CBFA2T2: variants seen among roughly 807,000 people sequenced by gnomAD.
CBFA2T2 encodes the protein CBFA2/RUNX1 partner transcriptional co-repressor 2, also known as protein CBFA2T2.
Under a neutral mutation model 62.2 loss-of-function variants are expected in CBFA2T2, and 11 were observed. That is an observed-to-expected ratio of 0.18 (90% confidence interval 0.11 to 0.29). CBFA2T2 has a LOEUF of 0.29. CBFA2T2 is among the 10% of genes least tolerant of loss of function. The pLI is 1.00. For missense variants in CBFA2T2, 592 were observed against 774.1 expected (o/e 0.76, Z 2.79); for synonymous variants, 295 against 287.5 (o/e 1.03, Z -0.27).
chr20:33,494,281 T>A (rs1419189994), intron 1 of CBFA2T2, among the ~76,000 whole-genome samples: 3 of 59,308 alleles, frequency 5.1e-5, no homozygotes, highest in Admixed American at 2.2e-4. Flanking sequence ...ATATTTTTTT[T>A]TTTTTTTTTT....
chr20:33,623,559 ATGT>A (rs890553293), intron 5 of CBFA2T2, among the ~76,000 whole-genome samples: 11 of 148,768 alleles, frequency 7.4e-5, no homozygotes, highest in Non-Finnish European at 1.0e-4. Flanking sequence ...TGACCAGCTA[ATGT>A]TTGTTTGTTT....
At chr20:33,587,501 C>T (rs1406875079) in intron 1 of CBFA2T2, among the ~76,000 whole-genome samples, 4 of 149,998 alleles carry the variant, frequency 2.7e-5, no homozygotes, top group Non-Finnish European at 5.9e-5. Flanking sequence ...CTTCTGACCT[C>T]GTGATCCGCC....
intron 1 of CBFA2T2, among the ~76,000 whole-genome samples, chr20:33,561,040 G>A (rs2013070460): frequency 6.6e-6 from 1 of 152,124 alleles, no homozygotes; most frequent in African/African-American, 2.4e-5. Flanking sequence ...AACACGCCCA[G>A]CTAATTTTTG....
Position 33,623,857 on chromosome 20 carries a change from A to G in CBFA2T2, c.692+561A>G, listed in dbSNP as rs181841189. On this transcript the variant is annotated intron_variant, in intron 5 of 10. Coordinates refer to ENST00000342704, the MANE Select transcript of CBFA2T2 (RefSeq NM_001032999.3). ...CTCTTCAGATGCCTGCACACCCGGT[A>G]AGAAACTCTACTCTAGAGAATTTAT... The G allele has an allele frequency of 4.5e-4, 321 of 717,858 alleles. 2 individuals are homozygous for G. In the East Asian group the frequency reaches 8.5e-3, roughly 19 times the overall value. The allele number at this position is 717,858 out of a possible 1,614,324, so 44.5% of individuals were successfully genotyped here. A position where few individuals can be genotyped will look rare whatever the true frequency, so the allele number is the denominator to read the frequency against.
rs138421247 is a variant in CBFA2T2 at position 33,550,572 on chromosome 20, G to A, written c.35-56384G>A. On this transcript the variant is annotated intron_variant, in intron 1 of 10. Coordinates refer to ENST00000342704, the MANE Select transcript of CBFA2T2 (RefSeq NM_001032999.3). Reference sequence around the variant, plus strand: ...CAGAGAACAGTAATGGGTACATTTGGTCAACAAATAACTCAAAGTCTGAAG... The same window carrying A: ...CAGAGAACAGTAATGGGTACATTTGATCAACAAATAACTCAAAGTCTGAAG... Among the ~76,000 whole-genome samples the A allele has an allele frequency of 7.2e-3, 1,093 of 152,182 alleles. 17 individuals carry two copies. The highest frequency in any genetic ancestry group is 0.025 in the African/African-American group (1,058 of 41,492).
At chr20:33,549,261 A>G (rs903707886) in intron 1 of CBFA2T2, among the ~76,000 whole-genome samples, 2 of 147,056 alleles carry the variant, frequency 1.4e-5, no homozygotes, top group African/African-American at 5.0e-5. Context: ...AAAGCAGATA[A>G]AACTGGACAA....
chr20:33,500,447 G>A (rs967636026), intron 1 of CBFA2T2, among the ~76,000 whole-genome samples: 14 of 151,874 alleles, frequency 9.2e-5, no homozygotes, highest in African/African-American at 3.1e-4. Flanking sequence ...GGTGGCTCAC[G>A]TCTGTAATTC....
At chr20:33,515,138 CA>C (rs1367116898) in intron 1 of CBFA2T2, among the ~76,000 whole-genome samples, 5 of 151,702 alleles carry the variant, frequency 3.3e-5, no homozygotes, top group African/African-American at 1.2e-4. Flanking sequence ...CACCTGAGGT[CA>C]GGAGTTTGAG....
chr20:33,617,235 GA>G (rs535518006), intron 3 of CBFA2T2, among the ~76,000 whole-genome samples: 11 of 149,032 alleles, frequency 7.4e-5, no homozygotes, highest in South Asian at 4.2e-4. Flanking sequence ...CCCTATCTCT[GA>G]AAAAAAAAAA....
chr20:33,584,449 G>T (rs567712738), intron 1 of CBFA2T2, among the ~76,000 whole-genome samples: 58 of 151,300 alleles, frequency 3.8e-4, no homozygotes, highest in Non-Finnish European at 1.2e-4. Flanking sequence ...TAGAGACGGG[G>T]TTTCACCATG....
At chr20:33,497,880 T>C (rs1365789682) in intron 1 of CBFA2T2, among the ~76,000 whole-genome samples, 1 of 151,852 alleles carries the variant, frequency 6.6e-6, no homozygotes, top group Non-Finnish European at 1.5e-5. Flanking sequence ...ACAGGATGTT[T>C]CTATGTTTCC....
intron 1 of CBFA2T2, among the ~76,000 whole-genome samples, chr20:33,521,823 CGTGTGTGT>C (rs111558647): frequency 2.0e-5 from 3 of 148,466 alleles, no homozygotes; most frequent in Admixed American, 6.8e-5. Context: ...ATTTGAGCTG[CGTGTGTGT>C]GTGTGTGTGT....
intron 3 of CBFA2T2, 74 bp from the exon 4 acceptor site, chr20:33,619,443 A>AT: frequency 1.3e-6 from 1 of 746,354 alleles, no homozygotes; most frequent in East Asian, 3.1e-5. Flanking sequence ...AAAAAAAAAA[A>AT]AAAAGAAGAG....
intron 1 of CBFA2T2, among the ~76,000 whole-genome samples, chr20:33,582,946 A>G (rs1201076956): frequency 6.6e-6 from 1 of 152,188 alleles, no homozygotes; most frequent in Non-Finnish European, 1.5e-5. Context: ...TCTAAAAAAA[A>G]AAAAAGAGGA....
intron 1 of CBFA2T2, among the ~76,000 whole-genome samples, chr20:33,599,333 T>C (rs1444591426): frequency 2.6e-5 from 4 of 152,190 alleles, no homozygotes; most frequent in Non-Finnish European, 5.9e-5. Context: ...GCCAAGCCCA[T>C]TTATTTGTAT....
chr20:33,611,392 G>C (rs1269655082), intron 3 of CBFA2T2, 57 bp downstream of exon 3: 1 of 1,595,054 alleles, frequency 6.3e-7, no homozygotes, highest in Non-Finnish European at 8.6e-7. Context: ...CAGGTCCAAA[G>C]CGAGCAAAGT....
At chr20:33,555,679 T>G (rs1026794577) in intron 1 of CBFA2T2, among the ~76,000 whole-genome samples, 1 of 152,192 alleles carries the variant, frequency 6.6e-6, no homozygotes, top group East Asian at 1.9e-4. Context: ...AGTACAATTA[T>G]CAAAATCAGA....
intron 1 of CBFA2T2, among the ~76,000 whole-genome samples, chr20:33,515,789 G>A (rs1330238611): frequency 7.9e-6 from 1 of 125,804 alleles, no homozygotes; most frequent in Non-Finnish European, 1.6e-5. Context: ...CCACAAGAGG[G>A]AGACTCCATC....
At chr20:33,611,005 G>A (rs2015503029) in intron 2 of CBFA2T2, 89 bp from the exon 3 acceptor site, 4 of 1,537,612 alleles carry the variant, frequency 2.6e-6, no homozygotes, top group Non-Finnish European at 3.6e-6. Context: ...AAATTCAAAT[G>A]AACAAACGAA....
Sources: gnomAD v4.1 joint callset for allele counts (sites outside exome capture counted in the v4.1 genomes callset) on GRCh38, gnomAD v4.1.1 for gene constraint, MANE v1.5 for transcripts, NCBI Gene and HGNC (gene_info 2026-07-23, HGNC 2026-07-21) for gene names.